MTMR8: variants seen among roughly 807,000 people sequenced by gnomAD.
MTMR8 encodes myotubularin related protein 8.
A neutral mutation model predicts 39.3 loss-of-function variants in MTMR8; 65 were observed. The observed-to-expected ratio is 1.65, with a 90% CI of 1.35 to 2.03. The LOEUF is 2.03. Among genes scored for constraint, MTMR8 ranks in the 30% most tolerant of loss-of-function variants. The probability of loss-of-function intolerance (pLI) is 0.00; values close to 1 mark genes in which losing one functional copy is unlikely to be tolerated. For missense variants in MTMR8, 777 were observed against 538.9 expected (o/e 1.44, Z -4.37); for synonymous variants, 245 against 185.2 (o/e 1.32, Z -2.62).
chrX:64,395,097 C>G (rs995220351), intron 1 of MTMR8, among the ~76,000 whole-genome samples: 8 of 111,984 alleles, frequency 7.1e-5, no homozygotes, highest in African/African-American at 2.6e-4. Flanking sequence ...GGAGCGGGGG[C>G]GGCGTCGCGT....
intron 6 of MTMR8, among the ~76,000 whole-genome samples, chrX:64,348,290 T>C (rs1157667368): frequency 9.1e-6 from 1 of 110,295 alleles, no homozygotes; most frequent in Non-Finnish European, 1.9e-5. Context: ...TTGTAGTAAG[T>C]TTCCAATGTC....
chrX:64,328,943 G>A, intron 11 of MTMR8, 43 bp from the exon 12 acceptor site: 1 of 1,153,353 alleles, frequency 8.7e-7, no homozygotes. Context: ...AAAGCAGGAA[G>A]CAAGTAATCT....
intron 1 of MTMR8, among the ~76,000 whole-genome samples, chrX:64,387,291 G>A (rs979939124): frequency 3.6e-5 from 4 of 110,985 alleles, no homozygotes; most frequent in Non-Finnish European, 5.7e-5. Context: ...CTGAATGGTA[G>A]GAGATGCTCA....
At chrX:64,379,808 A>G (rs939700717) in intron 1 of MTMR8, among the ~76,000 whole-genome samples, 12 of 111,847 alleles carry the variant, frequency 1.1e-4, no homozygotes, top group Non-Finnish European at 1.9e-4. Flanking sequence ...TGAATCCAAC[A>G]ATGTATAAAA....
rs747743941 is a variant in MTMR8 at position 64,286,711 on chromosome X, C to A, written c.1482-15638G>T. Among the ~76,000 whole-genome samples, 467 of 111,751 alleles carry A rather than the reference C, an allele frequency of 4.2e-3. 2 individuals carry two copies. The highest frequency in any genetic ancestry group is 0.014 in the African/African-American group (442 of 30,753). ...ATATAAACAGAACCAAAGACAAAAACCACATGATTATCTCAATAGATGCAG... is the reference window on the plus strand; with the variant it reads ...ATATAAACAGAACCAAAGACAAAAAACACATGATTATCTCAATAGATGCAG... On this transcript the variant is annotated intron_variant, in intron 12 of 13. Transcript: ENST00000374852.
intron 8 of MTMR8, among the ~76,000 whole-genome samples, chrX:64,340,933 C>T (rs775588166): frequency 1.1e-4 from 12 of 112,286 alleles, no homozygotes; most frequent in Non-Finnish European, 2.3e-4. Flanking sequence ...ACTGGTATTA[C>T]CTACTTGGAG....
At chrX:64,344,348 A>G (rs770193634) in intron 7 of MTMR8, among the ~76,000 whole-genome samples, 11 of 111,647 alleles carry the variant, frequency 9.9e-5, no homozygotes, top group Non-Finnish European at 2.1e-4. Flanking sequence ...AGGGTGATGT[A>G]AAGGAGAGGT....
intron 12 of MTMR8, chrX:64,305,462 T>C: frequency 3.4e-6 from 1 of 297,073 alleles, no homozygotes; most frequent in Non-Finnish European, 6.1e-6. Context: ...AGAGAAACCA[T>C]ACTGCCTCTT....
chrX:64,294,656 C>T (rs1040382566), intron 12 of MTMR8, among the ~76,000 whole-genome samples: 1 of 111,504 alleles, frequency 9.0e-6, no homozygotes, highest in Non-Finnish European at 1.9e-5. Flanking sequence ...AGTGCAAGAT[C>T]GAGATGACAG....
chrX:64,359,484 G>C lies in MTMR8; in HGVS notation c.68C>G (p.Pro23Arg), dbSNP rs150490007. 10 of 1,206,244 alleles carry C rather than the reference G, an allele frequency of 8.3e-6. No individual in the cohort carries two copies. The highest frequency in any genetic ancestry group is 1.1e-5 in the Non-Finnish European group (10 of 892,245). ...AGTAAGATAAAGAATCCCATTAGCT[G>C]GTTTCTTACTCACATAACGATCCAC... ...KLVDRYVSKK[P>R]ANGILYLTAT... Residue 23 changes from proline to arginine, a missense_variant, in exon 2 of 14, where the codon CCA (proline) becomes CGA (arginine). Transcript: ENST00000374852.
chrX:64,282,898 A>T (rs1358085104), intron 12 of MTMR8, among the ~76,000 whole-genome samples: 1 of 111,658 alleles, frequency 9.0e-6, no homozygotes, highest in Non-Finnish European at 1.9e-5. Context: ...TCCCAGCGTG[A>T]GTGATGCAGA....
intron 1 of MTMR8, among the ~76,000 whole-genome samples, chrX:64,362,942 C>T (rs886361114): frequency 9.0e-6 from 1 of 110,884 alleles, no homozygotes; most frequent in African/African-American, 3.3e-5. Flanking sequence ...AGGCAAGTTG[C>T]ATAAGAGGCA....
chrX:64,305,727 T>A, intron 12 of MTMR8: 1 of 490,933 alleles, frequency 2.0e-6, no homozygotes, highest in Non-Finnish European at 3.8e-6. Flanking sequence ...TACTAATATA[T>A]TTACAAATGT....
chrX:64,327,071 A>G (rs1256352138), intron 12 of MTMR8, among the ~76,000 whole-genome samples: 1 of 112,010 alleles, frequency 8.9e-6, no homozygotes, highest in Non-Finnish European at 1.9e-5. Flanking sequence ...ACCGAAAGCT[A>G]TGAAACTACT....
intron 12 of MTMR8, among the ~76,000 whole-genome samples, chrX:64,297,887 G>T (rs1279228661): frequency 9.5e-6 from 1 of 105,059 alleles, no homozygotes; most frequent in Admixed American, 1.0e-4. Flanking sequence ...AGATCAGATA[G>T]TTGTAGGTAG....
chrX:64,288,900 G>A (rs980929855), intron 12 of MTMR8, among the ~76,000 whole-genome samples: 4 of 110,295 alleles, frequency 3.6e-5, no homozygotes, highest in African/African-American at 1.3e-4. Flanking sequence ...GATAGCATTA[G>A]GAGATATATC....
chrX:64,392,611 G>GT (rs966835800), intron 1 of MTMR8, among the ~76,000 whole-genome samples: 31 of 110,171 alleles, frequency 2.8e-4, no homozygotes, highest in South Asian at 3.9e-4. Flanking sequence ...TTTTGTTTTT[G>GT]TTTTTTTTAA....
chrX:64,371,050 G>C (rs1350951681), intron 1 of MTMR8, among the ~76,000 whole-genome samples: 1 of 111,595 alleles, frequency 9.0e-6, no homozygotes, highest in Non-Finnish European at 1.9e-5. Context: ...CCAGCTACTT[G>C]GGAGGCTGAA....
At chrX:64,374,466 T>C (rs780443222) in intron 1 of MTMR8, among the ~76,000 whole-genome samples, 1 of 111,888 alleles carries the variant, frequency 8.9e-6, no homozygotes, top group Non-Finnish European at 1.9e-5. Flanking sequence ...CTGTGTCAAA[T>C]GTTATAGAAT....
Sources: gnomAD v4.1 joint callset for allele counts (sites outside exome capture counted in the v4.1 genomes callset) on GRCh38, gnomAD v4.1.1 for gene constraint, MANE v1.5 for transcripts, NCBI Gene and HGNC (gene_info 2026-07-23, HGNC 2026-07-21) for gene names.